S100PBP: variants seen among roughly 807,000 people sequenced by gnomAD.
S100PBP encodes the protein S100P-binding protein.
A neutral mutation model predicts 39.9 loss-of-function variants in S100PBP; 15 were observed. That is an observed-to-expected ratio of 0.38 (90% CI 0.25 to 0.58). The LOEUF is 0.58. S100PBP is among the 20% of genes least tolerant of loss of function. The pLI is 0.70. For synonymous variants in S100PBP, 178 were observed against 180.3 expected (o/e 0.99, Z 0.10); for missense variants, 504 against 487.3 (o/e 1.03, Z -0.32).
At chr1:32,820,242 G>A (rs1383784639) in intron 1 of S100PBP, among the ~76,000 whole-genome samples, 2 of 150,172 alleles carry the variant, frequency 1.3e-5, no homozygotes, top group Non-Finnish European at 2.9e-5. Flanking sequence ...CGCTTCCTGG[G>A]TTCCAGCGAT....
intron 2 of S100PBP, among the ~76,000 whole-genome samples, chr1:32,825,643 C>T (rs1252487111): frequency 3.3e-5 from 5 of 152,138 alleles, no homozygotes; most frequent in Non-Finnish European, 5.9e-5. Context: ...TACTCCATAG[C>T]ACAAACATAC....
chr1:32,830,090 G>T lies in S100PBP; in HGVS notation c.1024+23G>T, dbSNP rs756387471. ...AAGGTAACATGGTACCCAGAGAAAGGCATATAAAACATGTGATGTGACTTT... is the reference window on the plus strand; with the variant it reads ...AAGGTAACATGGTACCCAGAGAAAGTCATATAAAACATGTGATGTGACTTT... On this transcript the variant is annotated intron_variant, in intron 5 of 6. Transcript: ENST00000373475. 7.7e-6 allele frequency: 11 copies of T among 1,427,444 alleles called. No individual in the cohort carries two copies. The South Asian group carries it at 1.2e-4, about 15-fold the overall frequency. 88.4% of individuals were successfully genotyped at this position (1,427,444 alleles called of 1,614,324 possible).
rs930623601 is a variant in S100PBP, at chr1:32,857,790, C to G, written c.*1752C>G. 1 of 152,186 alleles carries G rather than the reference C, an allele frequency of 6.6e-6. No homozygotes were observed. Among genetic ancestry groups the G allele is most frequent in the Non-Finnish European group, 1.5e-5 (1 of 68,026 alleles). The allele number at this position is 152,186 out of a possible 1,614,324, so 9.4% of individuals were successfully genotyped here. ...GTAATGCATTCTAAACATCCTACCC[C>G]ACTTTAGAAACGGACGTGGGGAACG... On this transcript the variant is annotated 3_prime_UTR_variant, in exon 7 of 7. Transcript: ENST00000373475.
chr1:32,837,418 A>G (rs1300837959), intron 5 of S100PBP, among the ~76,000 whole-genome samples: 1 of 143,806 alleles, frequency 7.0e-6, no homozygotes, highest in African/African-American at 2.6e-5. Context: ...CCTAGCTGGG[A>G]TTATAGGCAC....
intron 5 of S100PBP, among the ~76,000 whole-genome samples, chr1:32,838,349 A>G (rs527461905): frequency 3.2e-4 from 48 of 151,212 alleles, no homozygotes; most frequent in Admixed American, 9.2e-4. Flanking sequence ...AAAAAAAAAA[A>G]AAAAGAAAAG....
rs1233119778 is a variant in S100PBP at position 32,858,086 on chromosome 1, G to A, written c.*2048G>A. 1 of 152,300 alleles carries A rather than the reference G, an allele frequency of 6.6e-6. No individual in the cohort carries two copies. The highest frequency in any genetic ancestry group is 1.5e-5 in the Non-Finnish European group (1 of 68,036). The allele number at this position is 152,300 out of a possible 1,614,324, so 9.4% of individuals were successfully genotyped here. On this transcript the variant is annotated 3_prime_UTR_variant, in exon 7 of 7. Coordinates refer to ENST00000373475, the MANE Select transcript of S100PBP (RefSeq NM_022753.4). ...CATCCACCTTTGGGACCATAGCATA[G>A]TTAAAATTAAATGTAGTTGGAATAG... is the stretch of plus-strand genomic sequence containing the variant.
intron 3 of S100PBP, among the ~76,000 whole-genome samples, chr1:32,827,262 A>G (rs1243345480): frequency 6.6e-6 from 1 of 152,174 alleles, no homozygotes; most frequent in African/African-American, 2.4e-5. Context: ...GTAATATTAA[A>G]TTACCCTCTG....
intron 5 of S100PBP, among the ~76,000 whole-genome samples, chr1:32,848,695 G>A (rs702834): frequency 0.96 from 146,110 of 152,276 alleles, 70,379 homozygotes; most frequent in East Asian, 1. Context: ...AGCATTATCC[G>A]TCCTCCTCCA....
chr1:32,827,884 T>C, intron 3 of S100PBP, 109 bp from the exon 4 acceptor site: 1 of 671,166 alleles, frequency 1.5e-6, no homozygotes, highest in Non-Finnish European at 2.7e-6. Flanking sequence ...TGTTCACGAA[T>C]AGGCTTTTGT....
chr1:32,822,589 C>A (rs1170159798), intron 1 of S100PBP, among the ~76,000 whole-genome samples: 3 of 148,178 alleles, frequency 2.0e-5, no homozygotes, highest in Admixed American at 6.8e-5. Context: ...CCACTGCACT[C>A]CAGTCTGGGC....
At position 32,826,308 on chromosome 1, in the gene S100PBP, A is replaced by G; in HGVS notation, c.209A>G (p.Glu70Gly). ...ALLKEDDPSY[E>G]QSSGEDDGGH... Reference sequence around the variant, plus strand: ...TTGAAGGAAGATGACCCATCATATGAGCAGTCTTCTGGGGAAGATGATGGT... The same window carrying G: ...TTGAAGGAAGATGACCCATCATATGGGCAGTCTTCTGGGGAAGATGATGGT... The change falls in exon 3 of 7, where the codon GAG becomes GGG. Residue 70 changes from glutamate (E) to glycine (G), a missense_variant. Glu to Gly is a moderately conservative substitution (Grantham distance 98). Coordinates refer to ENST00000373475, the MANE Select transcript of S100PBP (RefSeq NM_022753.4). The G allele has an allele frequency of 1.2e-6, 2 of 1,614,136 alleles. No individual in the cohort carries two copies. Among genetic ancestry groups the G allele is most frequent in the Non-Finnish European group, 1.7e-6 (2 of 1,179,982 alleles).
intron 1 of S100PBP, among the ~76,000 whole-genome samples, chr1:32,821,503 G>A (rs1354767610): frequency 6.6e-6 from 1 of 151,838 alleles, no homozygotes; most frequent in African/African-American, 2.4e-5. Flanking sequence ...TGTACTTTTA[G>A]TAGAGTTGGG....
At chr1:32,828,213 C>G (rs1639428086) in intron 4 of S100PBP, 132 bp downstream of exon 4, 3 of 564,816 alleles carry the variant, frequency 5.3e-6, no homozygotes, top group Non-Finnish European at 9.6e-6. Context: ...GAAGTTCTAG[C>G]ACTACCAACT....
intron 1 of S100PBP, chr1:32,820,665 T>C (rs573332744): frequency 6.6e-6 from 1 of 152,300 alleles, no homozygotes; most frequent in East Asian, 1.9e-4. Flanking sequence ...TCTTTCCCAT[T>C]GACTTCATAA....
At chr1:32,837,864 C>G (rs1043016000) in intron 5 of S100PBP, among the ~76,000 whole-genome samples, 4 of 152,050 alleles carry the variant, frequency 2.6e-5, no homozygotes, top group African/African-American at 9.7e-5. Flanking sequence ...AGATTTATCC[C>G]TAAGTGAATG....
At chr1:32,828,647 T>C (rs1417990520) in intron 4 of S100PBP, among the ~76,000 whole-genome samples, 1 of 152,168 alleles carries the variant, frequency 6.6e-6, no homozygotes, top group Admixed American at 6.5e-5. Flanking sequence ...ATTAGCTTCC[T>C]TACAGTGAGA....
intron 1 of S100PBP, among the ~76,000 whole-genome samples, chr1:32,819,438 G>T (rs370050771): frequency 6.6e-6 from 1 of 152,142 alleles, no homozygotes; most frequent in African/African-American, 2.4e-5. Context: ...CATGGTGGAC[G>T]CCTGTAATCC....
At chr1:32,845,215 G>A (rs1640311952) in intron 5 of S100PBP, among the ~76,000 whole-genome samples, 3 of 151,930 alleles carry the variant, frequency 2.0e-5, no homozygotes, top group Admixed American at 6.6e-5. Context: ...TAGTAGAGAC[G>A]GGGTTTCACC....
In S100PBP at chr1:32,826,120, C is replaced by T. The variant is rs956081538; in HGVS notation, c.21C>T (p.Pro7=). The T allele has an allele frequency of 3.7e-6, 6 of 1,612,946 alleles. No individual in the cohort carries two copies. In the African/African-American group the frequency reaches 6.7e-5, roughly 18 times the overall value. Reference sequence around the variant, plus strand: ...CAGAAATGATGTGCTCACGGGTGCCCTCTGAACAGTCTTCTGGTACCTCTC... The same window carrying T: ...CAGAAATGATGTGCTCACGGGTGCCTTCTGAACAGTCTTCTGGTACCTCTC... MMCSRV[P]SEQSSGTSLL... is the part of the protein sequence containing the mutation. The change falls in exon 3 of 7, where the codon CCC becomes CCT. Residue 7 remains proline, a synonymous_variant. Coordinates refer to ENST00000373475, the MANE Select transcript of S100PBP (RefSeq NM_022753.4).
Sources: gnomAD v4.1 joint callset for allele counts (sites outside exome capture counted in the v4.1 genomes callset) on GRCh38, gnomAD v4.1.1 for gene constraint, MANE v1.5 for transcripts, NCBI Gene and HGNC (gene_info 2026-07-23, HGNC 2026-07-21) for gene names.